PDE10A: variants seen among roughly 807,000 people sequenced by gnomAD.
The protein encoded by PDE10A is phosphodiesterase 10A, also known as cAMP and cAMP-inhibited cGMP 3',5'-cyclic phosphodiesterase 10A.
Under a neutral mutation model 97.7 loss-of-function variants are expected in PDE10A, and 39 were observed. That is an observed-to-expected ratio of 0.40 (90% CI 0.31 to 0.52). PDE10A has a LOEUF of 0.52. Among genes scored for constraint, PDE10A ranks in the 20% least tolerant of loss-of-function variants. PDE10A has a pLI of 0.56. For synonymous variants in PDE10A, 371 were observed against 376.8 expected, an observed-to-expected ratio of 0.98 and a Z score of 0.18; for missense variants, 731 against 1,047.8, an observed-to-expected ratio of 0.70 and a Z score of 4.17.
intron 1 of PDE10A, among the ~76,000 whole-genome samples, chr6:165,854,178 G>A (rs981056275): frequency 6.6e-6 from 1 of 152,214 alleles, no homozygotes; most frequent in African/African-American, 2.4e-5. Context: ...GGGGCGCACC[G>A]GCGGACGGTG....
At chr6:165,943,238 G>GAAAGAAA (rs1562809824) in intron 1 of PDE10A, among the ~76,000 whole-genome samples, 6 of 38,812 alleles carry the variant, frequency 1.5e-4, no homozygotes, top group East Asian at 1.2e-3. Flanking sequence ...AAAGAAAGAA[G>GAAAGAAA]GAAGGAAGGA....
intron 3 of PDE10A, among the ~76,000 whole-genome samples, chr6:165,461,391 A>C (rs773060402): frequency 7.2e-5 from 11 of 152,160 alleles, no homozygotes; most frequent in Non-Finnish European, 1.5e-4. Flanking sequence ...TTACAGATGG[A>C]TCTAGTAATG....
upstream of PDE10A, among the ~76,000 whole-genome samples, chr6:165,668,058 C>T (rs753408584): frequency 2.6e-5 from 4 of 152,164 alleles, no homozygotes; most frequent in East Asian, 3.8e-4. Flanking sequence ...TTTCACCAAA[C>T]TTTTACAAGT....
At chr6:165,890,408 C>T (rs1420293853) in intron 1 of PDE10A, among the ~76,000 whole-genome samples, 1 of 152,154 alleles carries the variant, frequency 6.6e-6, no homozygotes, top group Non-Finnish European at 1.5e-5. Context: ...AACAATAAAT[C>T]ACTGTCTTCC....
chr6:165,910,238 G>T (rs563549436), intron 1 of PDE10A, among the ~76,000 whole-genome samples: 1 of 152,166 alleles, frequency 6.6e-6, no homozygotes, highest in Non-Finnish European at 1.5e-5. Context: ...TCAAGAGAGC[G>T]CTAAGGCTTT....
intron 5 of PDE10A, among the ~76,000 whole-genome samples, chr6:165,445,100 G>C (rs965649648): frequency 2.0e-5 from 3 of 152,012 alleles, no homozygotes; most frequent in African/African-American, 7.3e-5. Flanking sequence ...ATGTGCAAAA[G>C]GCGAAATACA....
intron 1 of PDE10A, among the ~76,000 whole-genome samples, chr6:165,871,716 C>A (rs1010561257): frequency 6.6e-6 from 1 of 152,090 alleles, no homozygotes; most frequent in African/African-American, 2.4e-5. Context: ...AGGAAGAGCA[C>A]CCAAAGGCAG....
chr6:165,357,229 C>T (rs1783084431), intron 18 of PDE10A, among the ~76,000 whole-genome samples: 2 of 152,064 alleles, frequency 1.3e-5, no homozygotes, highest in Admixed American at 1.3e-4. Context: ...CTTGTTATGA[C>T]ATATGATCTT....
chr6:165,388,071 TA>T lies in PDE10A; in HGVS notation c.2610+226del, dbSNP rs1161933664. On this transcript the variant is annotated intron_variant, in intron 17 of 21. Coordinates refer to ENST00000539869, the MANE Select transcript of PDE10A (RefSeq NM_001385079.1). This position sits in a 1 kb window ranked among gnomAD's most constrained non-coding sequence, Gnocchi z 4.0. Reference sequence around the variant, plus strand: ...TACAGGTACTTACTGATATAATGTTTAAAAAACAAATGTGATTGCAAAATAC... The same window carrying T: ...TACAGGTACTTACTGATATAATGTTTAAAAACAAATGTGATTGCAAAATAC... Among the ~76,000 whole-genome samples the T allele has an allele frequency of 6.6e-6, 1 of 152,188 alleles. No homozygotes were observed. Among genetic ancestry groups the T allele is most frequent in the East Asian group, 1.9e-4 (1 of 5,206 alleles).
chr6:165,840,302 G>A (rs1450297310), intron 1 of PDE10A, among the ~76,000 whole-genome samples: 1 of 152,116 alleles, frequency 6.6e-6, no homozygotes, highest in Non-Finnish European at 1.5e-5. Context: ...AACTGGAGCG[G>A]GTTTCCTTGT....
intron 2 of PDE10A, among the ~76,000 whole-genome samples, chr6:165,513,920 A>G (rs1781649867): frequency 6.6e-6 from 1 of 152,154 alleles, no homozygotes; most frequent in South Asian, 2.1e-4. Context: ...TGTTCTCCAT[A>G]AAAGATGTTG....
chr6:165,883,129 A>G (rs1781532808), intron 1 of PDE10A, among the ~76,000 whole-genome samples: 1 of 152,190 alleles, frequency 6.6e-6, no homozygotes, highest in South Asian at 2.1e-4. Context: ...CCAGCTACTC[A>G]GGAGGCTGAG....
At chr6:165,731,484 C>T (rs1315097387) in intron 1 of PDE10A, among the ~76,000 whole-genome samples, 1 of 152,146 alleles carries the variant, frequency 6.6e-6, no homozygotes, top group Admixed American at 6.5e-5. Flanking sequence ...GAGCTGCCGG[C>T]ACGTTGGAGG....
intron 18 of PDE10A, among the ~76,000 whole-genome samples, chr6:165,348,028 C>G (rs1346888671): frequency 6.6e-6 from 1 of 151,890 alleles, no homozygotes; most frequent in East Asian, 1.9e-4. Flanking sequence ...GTACCTGTAC[C>G]CTTTCTTTGA....
At chr6:165,878,271 C>T (rs1351814317) in intron 1 of PDE10A, among the ~76,000 whole-genome samples, 1 of 152,104 alleles carries the variant, frequency 6.6e-6, no homozygotes. Flanking sequence ...TGAATATTTC[C>T]CCCTGCTAAG....
At position 165,655,337 on chromosome 6, in the gene PDE10A, T is replaced by C. The variant is rs954353626; in HGVS notation, c.865+6610A>G. 9.9e-5 allele frequency among the ~76,000 whole-genome samples: 15 copies of C among 152,156 alleles called. No individual in the cohort carries two copies. The highest frequency in any genetic ancestry group is 1.9e-4 in the Non-Finnish European group (13 of 68,024). On this transcript the variant is annotated intron_variant, in intron 1 of 21. Coordinates refer to ENST00000539869, the MANE Select transcript of PDE10A (RefSeq NM_001385079.1). This position sits in a 1 kb window ranked among gnomAD's most constrained non-coding sequence, Gnocchi z 4.5. ...CCTTCCTAGCATATGCATCTCAGGC[T>C]GAACACCACCAAACGCCACGCCTGA...
At chr6:165,605,396 T>C (rs1296011990) in intron 1 of PDE10A, among the ~76,000 whole-genome samples, 1 of 152,224 alleles carries the variant, frequency 6.6e-6, no homozygotes, top group Non-Finnish European at 1.5e-5. Flanking sequence ...TCTCCCACCA[T>C]TTCTCCAACT....
intron 2 of PDE10A, among the ~76,000 whole-genome samples, chr6:165,540,783 C>G (rs560301022): frequency 3.9e-5 from 6 of 152,192 alleles, no homozygotes; most frequent in Non-Finnish European, 7.3e-5. Flanking sequence ...GCATGCGCCA[C>G]TATGCCTAGC....
At chr6:165,882,034 C>T (rs1458002081) in intron 1 of PDE10A, among the ~76,000 whole-genome samples, 1 of 152,172 alleles carries the variant, frequency 6.6e-6, no homozygotes, top group Non-Finnish European at 1.5e-5. Flanking sequence ...TCTCATGCAT[C>T]CTCTCATTTC....
Sources: allele counts gnomAD v4.1 joint callset (sites outside exome capture counted in the v4.1 genomes callset), GRCh38; gene constraint gnomAD v4.1.1; non-coding constraint Gnocchi (gnomAD v3.1); transcripts MANE v1.5; gene names NCBI Gene and HGNC (gene_info 2026-07-23, HGNC 2026-07-21).